Variants in COL15A1 observed in about 807,000 individuals in gnomAD.
The protein encoded by COL15A1 is collagen type XV alpha 1 chain, also known as collagen alpha-1(XV) chain.
COL15A1 carries 111 observed loss-of-function variants against 165.9 expected under a neutral mutation model. That is an observed-to-expected ratio of 0.67 (90% CI 0.57 to 0.78). The LOEUF (loss-of-function observed/expected upper bound fraction) is 0.78. Ranked by LOEUF, COL15A1 falls within the 30% of genes least tolerant of loss-of-function variation. The pLI is 0.00. For synonymous variants in COL15A1, 659 were observed against 674.8 expected, an observed-to-expected ratio of 0.98 and a Z score of 0.36; for missense variants, 1,745 against 1,789.7, an observed-to-expected ratio of 0.98 and a Z score of 0.45.
Position 99,003,559 on chromosome 9 carries a change from C to T in COL15A1, c.1172C>T (p.Thr391Met), listed in dbSNP as rs10988532. The T allele has an allele frequency of 2.0e-3, 3,141 of 1,552,182 alleles. 109 individuals carry two copies. In the East Asian group the frequency reaches 0.062, roughly 31 times the overall value. ...PTGGPTLSMS[T>M]ENPEEGVTPG... The stretch of plus-strand genomic sequence containing the variant: ...GGGGGACCAACCCTCTCTATGTCCA[C>T]GGAGAACCCAGAGGAAGGGGTCACT... Residue 391 changes from threonine to methionine, a missense_variant, in exon 8 of 42, where the codon ACG becomes ATG. Physicochemically the swap from Thr to Met is moderately conservative, Grantham distance 81. Transcript: ENST00000375001.
chr9:98,946,573 G>T (rs1837586896), intron 2 of COL15A1, among the ~76,000 whole-genome samples: 1 of 152,196 alleles, frequency 6.6e-6, no homozygotes, highest in Non-Finnish European at 1.5e-5. Flanking sequence ...ACTTCCTCAA[G>T]GCCGCATGAC....
In COL15A1 at chr9:98,978,450, C is replaced by G. The variant is rs567636390; in HGVS notation, c.101-7115C>G. Reference sequence around the variant, plus strand: ...TTTCCGAGCAGAAAGAGGCTTCCCCCTCCTGTTCCCAGCAGGAAAGAGAGA... The same window carrying G: ...TTTCCGAGCAGAAAGAGGCTTCCCCGTCCTGTTCCCAGCAGGAAAGAGAGA... On this transcript the variant is annotated intron_variant, in intron 2 of 41. Transcript: ENST00000375001. 4.9e-4 allele frequency among the ~76,000 whole-genome samples: 75 copies of G among 152,334 alleles called. No individual in the cohort carries two copies. In the East Asian group the frequency reaches 5.4e-3, roughly 11 times the overall value.
chr9:99,020,935 G>A (rs1839016473), intron 12 of COL15A1, among the ~76,000 whole-genome samples: 1 of 152,234 alleles, frequency 6.6e-6, no homozygotes, highest in Non-Finnish European at 1.5e-5. Flanking sequence ...AATGGAGGTG[G>A]TGATGATGAC....
chr9:99,003,554 G>A lies in COL15A1; in HGVS notation c.1167G>A (p.Met389Ile), dbSNP rs1453137818. 6 of 1,557,736 alleles carry A rather than the reference G, an allele frequency of 3.9e-6. No homozygotes were observed. Among genetic ancestry groups the A allele is most frequent in the Admixed American group, 3.8e-5 (2 of 52,248 alleles). ...CCACCGGGGGACCAACCCTCTCTAT[G>A]TCCACGGAGAACCCAGAGGAAGGGG... ...SVPTGGPTLS[M>I]STENPEEGVT... Residue 389 changes from methionine to isoleucine, a missense_variant, in exon 8 of 42, where the codon ATG becomes ATA. Transcript: ENST00000375001.
intron 5 of COL15A1, among the ~76,000 whole-genome samples, chr9:98,995,340 A>T (rs910097634): frequency 6.6e-6 from 1 of 151,270 alleles, no homozygotes; most frequent in African/African-American, 2.4e-5. Flanking sequence ...CTTTACTGCC[A>T]CCCCCCAGTC....
intron 39 of COL15A1, 142 bp downstream of exon 39, chr9:99,063,251 T>A: frequency 9.4e-7 from 1 of 1,067,714 alleles, no homozygotes; most frequent in Non-Finnish European, 1.3e-6. Context: ...AGAATTACAA[T>A]ACAGTGTGGT....
At chr9:99,014,663 A>C (rs146189374) in intron 9 of COL15A1, among the ~76,000 whole-genome samples, 214 of 152,360 alleles carry the variant, frequency 1.4e-3, no homozygotes, top group African/African-American at 4.9e-3. Flanking sequence ...TAGGTAGTTT[A>C]TTTTGCAAAG....
chr9:99,003,407 G>T, intron 7 of COL15A1, 46 bp from the exon 8 acceptor site: 2 of 1,397,454 alleles, frequency 1.4e-6, no homozygotes, highest in Middle Eastern at 3.8e-4. Flanking sequence ...CAGGCATGTT[G>T]ATGGGAGCCC....
intron 9 of COL15A1, among the ~76,000 whole-genome samples, chr9:99,009,277 C>A (rs947272283): frequency 2.0e-5 from 3 of 152,220 alleles, no homozygotes; most frequent in African/African-American, 7.2e-5. Context: ...AACTTGGTTA[C>A]TTCTGTGGCA....
At chr9:99,018,208 CT>C (rs1390958171) in intron 11 of COL15A1, among the ~76,000 whole-genome samples, 13 of 152,154 alleles carry the variant, frequency 8.5e-5, no homozygotes, top group African/African-American at 3.1e-4. Flanking sequence ...GTTTGTTTGA[CT>C]CTGAATCCAA....
chr9:98,954,743 A>G (rs1258886190), intron 2 of COL15A1, among the ~76,000 whole-genome samples: 1 of 152,208 alleles, frequency 6.6e-6, no homozygotes, highest in African/African-American at 2.4e-5. Context: ...GACAGGCAAT[A>G]ATAATTTATA....
intron 2 of COL15A1, among the ~76,000 whole-genome samples, chr9:98,976,296 G>A (rs1207138522): frequency 6.6e-6 from 1 of 152,238 alleles, no homozygotes; most frequent in African/African-American, 2.4e-5. Context: ...CCCAGGAAGT[G>A]TTTGAAGGCA....
intron 19 of COL15A1, 117 bp downstream of exon 19, chr9:99,035,535 C>T: frequency 7.9e-7 from 1 of 1,263,196 alleles, no homozygotes; most frequent in South Asian, 1.2e-5. Flanking sequence ...CTCTGTGCCT[C>T]CAGCCCCCAA....
At chr9:98,947,155 T>C (rs1837600479) in intron 2 of COL15A1, among the ~76,000 whole-genome samples, 1 of 152,172 alleles carries the variant, frequency 6.6e-6, no homozygotes, top group South Asian at 2.1e-4. Context: ...AATTCACCAT[T>C]AGCTGGTGAA....
At position 98,946,617 on chromosome 9, in the gene COL15A1, G is replaced by A. The variant is rs561352303; in HGVS notation, c.100+2367G>A. Among the ~76,000 whole-genome samples the A allele has an allele frequency of 8.5e-5, 13 of 152,290 alleles. No homozygotes were observed. In the South Asian group the frequency reaches 2.3e-3, roughly 27 times the overall value. On this transcript the variant is annotated intron_variant, in intron 2 of 41. Coordinates refer to ENST00000375001, the MANE Select transcript of COL15A1 (RefSeq NM_001855.5). ...GGTAGATCCATAATAGCCCTCTCACGTCTGTGAACTTCTGGGCTGGTGCTG... is the reference window on the plus strand; with the variant it reads ...GGTAGATCCATAATAGCCCTCTCACATCTGTGAACTTCTGGGCTGGTGCTG...
At chr9:98,981,866 G>A (rs1404518534) in intron 2 of COL15A1, among the ~76,000 whole-genome samples, 1 of 151,760 alleles carries the variant, frequency 6.6e-6, no homozygotes, top group Non-Finnish European at 1.5e-5. Context: ...GTGCAGTGGG[G>A]TGATCATAGC....
chr9:98,983,202 A>G (rs1588501226), intron 2 of COL15A1, among the ~76,000 whole-genome samples: 1 of 152,052 alleles, frequency 6.6e-6, no homozygotes, highest in Admixed American at 6.6e-5. Context: ...AGTGTTGCGG[A>G]GTTGAGATGG....
Position 98,943,993 on chromosome 9 carries a change from G to A in COL15A1, c.-69G>A, listed in dbSNP as rs372081577. 302 of 1,599,672 alleles carry A rather than the reference G, an allele frequency of 1.9e-4. 1 individual carries two copies. The African/African-American group carries it at 3.8e-3, about 20-fold the overall frequency. On this transcript the variant is annotated 5_prime_UTR_variant, in exon 1 of 42. Coordinates refer to ENST00000375001, the MANE Select transcript of COL15A1 (RefSeq NM_001855.5). ...GGCGGCCAGCGCTCAGCGACCCTTCGTCCTCCGCTAAGCTCCAACGCTCTG... is the reference window on the plus strand; with the variant it reads ...GGCGGCCAGCGCTCAGCGACCCTTCATCCTCCGCTAAGCTCCAACGCTCTG...
chr9:99,027,419 A>G lies in COL15A1; in HGVS notation c.2043+1453A>G, dbSNP rs576557340. ...TTTCGTGGAAAGCTTATTTCTCAGA[A>G]AAAGATACAATTGTCAAGCTTTATA... is the stretch of plus-strand genomic sequence containing the variant. On this transcript the variant is annotated intron_variant, in intron 16 of 41. Coordinates refer to ENST00000375001, the MANE Select transcript of COL15A1 (RefSeq NM_001855.5). 2.6e-5 allele frequency among the ~76,000 whole-genome samples: 4 copies of G among 152,240 alleles called. No homozygotes were observed. The South Asian group carries it at 8.3e-4, about 32-fold the overall frequency.
Sources: gnomAD v4.1 joint callset for allele counts (sites outside exome capture counted in the v4.1 genomes callset) on GRCh38, gnomAD v4.1.1 for gene constraint, MANE v1.5 for transcripts, NCBI Gene and HGNC (gene_info 2026-07-23, HGNC 2026-07-21) for gene names.